GSE1: variants seen among roughly 807,000 people sequenced by gnomAD.
The protein encoded by GSE1 is genetic suppressor element 1.
GSE1 carries 32 observed loss-of-function variants against 112.6 expected under a neutral mutation model. That is an observed-to-expected ratio of 0.28 (90% CI 0.21 to 0.38). The LOEUF is 0.38. GSE1 is among the 10% of genes least tolerant of loss of function. The pLI, the probability that GSE1 is intolerant of heterozygous loss-of-function variation, is 1.00. For missense variants in GSE1, 2,348 were observed against 1,699.2 expected, an observed-to-expected ratio of 1.38 and a Z score of -6.71; for synonymous variants, 1,115 against 735.6, an observed-to-expected ratio of 1.52 and a Z score of -8.35.
At position 85,654,818 on chromosome 16, in the gene GSE1, G is replaced by A. The variant is rs1387065686; in HGVS notation, c.624G>A (p.Val208=). ...PLNLQRPVHH[V]VPPSTVTEDY... ...GCCTCCAGCGGCCCGTGCACCACGT[G>A]GTGCCCCCCAGTACCGTGACCGAGG... The change falls in exon 5 of 16, where the codon GTG becomes GTA. Residue 208 remains valine (V), a synonymous_variant. Transcript: ENST00000253458. The A allele has an allele frequency of 6.2e-7, 1 of 1,611,300 alleles. No individual in the cohort carries two copies. Among genetic ancestry groups the A allele is most frequent in the East Asian group, 2.2e-5 (1 of 44,858 alleles).
At chr16:85,553,261 G>T (rs1237387161), upstream of GSE1, among the ~76,000 whole-genome samples, 1 of 149,940 alleles carries the variant, frequency 6.7e-6, no homozygotes, top group Non-Finnish European at 1.5e-5. Context: ...GAGGGCAGGT[G>T]CCGGACCCCG....
Position 85,544,151 on chromosome 16 carries a change from T to G in GSE1, c.2465-89763T>G, listed in dbSNP as rs1341458052. ...CGCCAGCCTGTAGACATATTTTGAT[T>G]GTCATGACTGTGCCGTTCTATTGAC... is the stretch of plus-strand genomic sequence containing the variant. On this transcript the variant is annotated intron_variant, in intron 2 of 2. Coordinates refer to the GSE1 transcript ENST00000637419. 2.0e-5 allele frequency among the ~76,000 whole-genome samples: 3 copies of G among 152,062 alleles called. No homozygotes were observed. In the East Asian group the frequency reaches 5.8e-4, roughly 29 times the overall value.
intron 8 of GSE1, chr16:85,659,753 C>G (rs1363170451): frequency 6.6e-6 from 1 of 152,232 alleles, no homozygotes; most frequent in East Asian, 1.9e-4. Flanking sequence ...ACTGAGGAAA[C>G]AAGCCATTTA....
At chr16:85,461,236 G>A (rs1409385470) in intron 2 of GSE1, among the ~76,000 whole-genome samples, 1 of 152,206 alleles carries the variant, frequency 6.6e-6, no homozygotes, top group Admixed American at 6.5e-5. Flanking sequence ...CTGTCTGCTG[G>A]AGGGTGTTGA....
intron 1 of GSE1, among the ~76,000 whole-genome samples, chr16:85,631,728 G>A (rs2049554509): frequency 6.6e-6 from 1 of 152,232 alleles, no homozygotes; most frequent in Non-Finnish European, 1.5e-5. Context: ...ACCTCATGAG[G>A]TCAGCTTTGC....
intron 1 of GSE1, among the ~76,000 whole-genome samples, chr16:85,192,440 C>T (rs2074842782): frequency 6.6e-6 from 1 of 152,206 alleles, no homozygotes. Context: ...GTTATATGGC[C>T]TCACGTGGCT....
intron 1 of GSE1, among the ~76,000 whole-genome samples, chr16:85,267,674 C>G (rs1908397388): frequency 6.6e-6 from 1 of 152,176 alleles, no homozygotes; most frequent in Non-Finnish European, 1.5e-5. Context: ...TCTTCATTCT[C>G]TTGAACACAT....
At chr16:85,549,429 C>T (rs1020164201) in intron 2 of GSE1, among the ~76,000 whole-genome samples, 2 of 152,186 alleles carry the variant, frequency 1.3e-5, no homozygotes, top group African/African-American at 4.8e-5. Flanking sequence ...CCTTCCACCT[C>T]GGCCTCCCAA....
chr16:85,374,241 A>G (rs1481266490), intron 2 of GSE1, among the ~76,000 whole-genome samples: 79 of 74,392 alleles, frequency 1.1e-3, no homozygotes, highest in African/African-American at 2.2e-3. Context: ...GTGCCTGTGC[A>G]TGGTCGTGCG....
intron 1 of GSE1, among the ~76,000 whole-genome samples, chr16:85,334,040 G>A (rs1212787970): frequency 6.6e-6 from 1 of 152,172 alleles, no homozygotes; most frequent in Admixed American, 6.5e-5. Flanking sequence ...GCGTGGACAC[G>A]GGGCCTCTGC....
intron 1 of GSE1, among the ~76,000 whole-genome samples, chr16:85,275,348 C>T (rs12599739): frequency 0.15 from 22,217 of 152,112 alleles, 2,160 homozygotes; most frequent in East Asian, 0.37. Flanking sequence ...GACAGAAGCC[C>T]GGGCAGAGGG....
chr16:85,634,436 A>AG (rs2049816627), intron 2 of GSE1, among the ~76,000 whole-genome samples: 1 of 151,822 alleles, frequency 6.6e-6, no homozygotes, highest in Non-Finnish European at 1.5e-5. Context: ...GATTGGGAGG[A>AG]GGGTGGGTGC....
chr16:85,665,369 T>C (rs533346824), intron 12 of GSE1, among the ~76,000 whole-genome samples: 3 of 152,382 alleles, frequency 2.0e-5, no homozygotes, highest in African/African-American at 7.2e-5. Context: ...CTCTACGTGC[T>C]GGTCACTATG....
intron 1 of GSE1, among the ~76,000 whole-genome samples, chr16:85,281,260 G>C (rs1285783317): frequency 6.6e-6 from 1 of 152,174 alleles, no homozygotes; most frequent in African/African-American, 2.4e-5. Context: ...CAATTAGCTG[G>C]GGACACAAGA....
chr16:85,371,916 G>C (rs1413778576), intron 2 of GSE1, among the ~76,000 whole-genome samples: 1 of 152,242 alleles, frequency 6.6e-6, no homozygotes, highest in Non-Finnish European at 1.5e-5. Context: ...GGCAGGAGGG[G>C]CTGGGAGAGG....
intron 2 of GSE1, among the ~76,000 whole-genome samples, chr16:85,542,130 C>T (rs765466488): frequency 4.6e-5 from 7 of 152,094 alleles, no homozygotes; most frequent in East Asian, 1.9e-4. Flanking sequence ...AGGGGGAGCC[C>T]GCTCTGCGTG....
At chr16:85,510,032 G>A (rs902052012) in intron 2 of GSE1, among the ~76,000 whole-genome samples, 3 of 152,218 alleles carry the variant, frequency 2.0e-5, no homozygotes, top group African/African-American at 4.8e-5. Flanking sequence ...AAAGAGAGAG[G>A]CTTTATTAGG....
At chr16:85,269,396 C>T (rs1260160317) in intron 1 of GSE1, among the ~76,000 whole-genome samples, 1 of 149,588 alleles carries the variant, frequency 6.7e-6, no homozygotes, top group African/African-American at 2.4e-5. Flanking sequence ...CTGTCATCTG[C>T]GTCAGCGCAG....
chr16:85,603,589 C>A (rs1168901512), intron 1 of GSE1, among the ~76,000 whole-genome samples: 1 of 152,246 alleles, frequency 6.6e-6, no homozygotes, highest in East Asian at 1.9e-4. Flanking sequence ...CAGCCTCAAC[C>A]TCTCAGGCTC....
Sources: allele counts gnomAD v4.1 joint callset (sites outside exome capture counted in the v4.1 genomes callset), GRCh38; gene constraint gnomAD v4.1.1; transcripts MANE v1.5; gene names NCBI Gene and HGNC (gene_info 2026-07-23, HGNC 2026-07-21).